The following YAP1 variants were observed in gnomAD, a reference collection of about 807,000 sequenced individuals.
YAP1 encodes the protein transcriptional coactivator YAP1.
YAP1 carries 5 observed loss-of-function variants against 56.9 expected under a neutral mutation model. The ratio of observed to expected loss-of-function variants is 0.09; its 90% CI spans 0.05 to 0.18. The LOEUF (loss-of-function observed/expected upper bound fraction) is 0.18, where lower values mean the gene tolerates loss of function less well. Ranked by LOEUF, YAP1 falls within the 10% of genes least tolerant of loss-of-function variation. The probability of loss-of-function intolerance (pLI) is 1.00; values close to 1 mark genes in which losing one functional copy is unlikely to be tolerated. For synonymous variants in YAP1, 265 were observed against 248.1 expected, an observed-to-expected ratio of 1.07 and a Z score of -0.64; for missense variants, 539 against 651.8, an observed-to-expected ratio of 0.83 and a Z score of 1.88.
intron 4 of YAP1, among the ~76,000 whole-genome samples, chr11:102,195,765 TA>T (rs896652114): frequency 1.5e-4 from 23 of 152,240 alleles, no homozygotes; most frequent in African/African-American, 5.5e-4. Context: ...GTAAATCTGT[TA>T]AACCTCTTTT....
chr11:102,140,352 C>G (rs1018305625), intron 2 of YAP1, among the ~76,000 whole-genome samples: 1 of 152,126 alleles, frequency 6.6e-6, no homozygotes, highest in Admixed American at 6.6e-5. Context: ...GAAATCTACT[C>G]TAAATTGAAA....
chr11:102,209,547 A>C lies in YAP1; in HGVS notation c.1015A>C (p.Asn339His), dbSNP rs183492039. ...AMRNINPSTA[N>H]SPKCQELALR... ...GCGGAATATCAATCCCAGCACAGCA[A>C]ATTCTCCAAAATGTCAGGTAGGCTC... is the stretch of plus-strand genomic sequence containing the variant. The change falls in exon 6 of 9, where the codon AAT becomes CAT. Residue 339 changes from asparagine to histidine, a missense_variant. Physicochemically the swap from Asn to His is moderately conservative, Grantham distance 68. This residue lies in a region of YAP1 where 414 missense variants were observed against 512.4 expected (regional missense o/e 0.81). Coordinates refer to ENST00000282441, the MANE Select transcript of YAP1 (RefSeq NM_001130145.3). 2 of 1,599,820 alleles carry C rather than the reference A, an allele frequency of 1.3e-6. No homozygotes were observed. The highest frequency in any genetic ancestry group is 2.3e-5 in the South Asian group (2 of 88,348).
intron 3 of YAP1, among the ~76,000 whole-genome samples, chr11:102,176,745 CAAAAAAAAAAAAAAAAAAAA>C (rs57082707): frequency 2.2e-5 from 1 of 45,480 alleles, no homozygotes; most frequent in African/African-American, 8.9e-5. Context: ...GACTCCGTCT[CAAAAAAAAAAAAAAAAAAAA>C]AAAAAAAAAA....
chr11:102,130,822 C>G (rs1039750105), intron 2 of YAP1, among the ~76,000 whole-genome samples: 1 of 144,022 alleles, frequency 6.9e-6, no homozygotes, highest in Non-Finnish European at 1.5e-5. Context: ...CAGACTGATA[C>G]AGGTTATGTT....
At chr11:102,212,842 A>G (rs1817769899) in intron 6 of YAP1, among the ~76,000 whole-genome samples, 1 of 152,122 alleles carries the variant, frequency 6.6e-6, no homozygotes, top group Non-Finnish European at 1.5e-5. Context: ...CGTCCTCCCA[A>G]AGTTCTGGGA....
intron 4 of YAP1, among the ~76,000 whole-genome samples, chr11:102,204,858 T>C (rs1453498026): frequency 6.6e-6 from 1 of 152,230 alleles, no homozygotes; most frequent in Non-Finnish European, 1.5e-5. Flanking sequence ...GAAGAGGCTG[T>C]GTAAGACTGG....
chr11:102,195,620 T>C (rs774249753), intron 4 of YAP1, among the ~76,000 whole-genome samples: 9 of 152,194 alleles, frequency 5.9e-5, no homozygotes, highest in East Asian at 1.9e-4. Context: ...CAAGATCTTA[T>C]GGTTTTATAA....
chr11:102,156,698 A>G (rs1267452199), intron 2 of YAP1, among the ~76,000 whole-genome samples: 1 of 152,302 alleles, frequency 6.6e-6, no homozygotes, highest in South Asian at 2.1e-4. Context: ...CTCAGTCACT[A>G]TGGCATTAGG....
At chr11:102,115,030 C>G (rs1444482235) in intron 2 of YAP1, among the ~76,000 whole-genome samples, 1 of 152,174 alleles carries the variant, frequency 6.6e-6, no homozygotes, top group Non-Finnish European at 1.5e-5. Context: ...AGAAACCCTC[C>G]TCTCTGGGAA....
intron 2 of YAP1, among the ~76,000 whole-genome samples, chr11:102,115,776 C>G (rs902251848): frequency 1.3e-5 from 2 of 152,110 alleles, no homozygotes; most frequent in Non-Finnish European, 2.9e-5. Flanking sequence ...ATTGAAAGAG[C>G]TGCTAGCTGT....
chr11:102,162,806 A>G (rs748250717), intron 3 of YAP1, among the ~76,000 whole-genome samples: 21 of 152,120 alleles, frequency 1.4e-4, no homozygotes, highest in Non-Finnish European at 2.4e-4. Flanking sequence ...GTTCTTTAAG[A>G]TTTGGTTCTG....
chr11:102,134,734 G>A (rs1282590448), intron 2 of YAP1, among the ~76,000 whole-genome samples: 3 of 151,850 alleles, frequency 2.0e-5, no homozygotes, highest in Admixed American at 6.6e-5. Context: ...TGAGAGATAG[G>A]GTCTCACTCT....
rs368657519 is a variant in YAP1, at chr11:102,112,802, G to A, written c.322-1342G>A. On this transcript the variant is annotated intron_variant, in intron 1 of 8. Transcript: ENST00000282441. ...GTTTATGGACTCATTGTGGGTAAAT[G>A]TATGTTGGCATGCACCCTACAGACT... 1.4e-3 allele frequency: 1,350 copies of A among 982,758 alleles called. 1 individual carries two copies. Among genetic ancestry groups the A allele is most frequent in the Non-Finnish European group, 1.5e-3 (1,272 of 827,638 alleles). The allele number at this position is 982,758 out of a possible 1,614,324, so 60.9% of individuals were successfully genotyped here.
At chr11:102,221,552 G>A (rs996517954) in intron 6 of YAP1, among the ~76,000 whole-genome samples, 1 of 151,902 alleles carries the variant, frequency 6.6e-6, no homozygotes, top group African/African-American at 2.4e-5. Context: ...GCAAAACCCT[G>A]TCTCTACAAA....
chr11:102,208,327 C>T (rs1591423721), intron 5 of YAP1, among the ~76,000 whole-genome samples: 1 of 152,130 alleles, frequency 6.6e-6, no homozygotes, highest in East Asian at 1.9e-4. Context: ...TAATAATTGT[C>T]TTGCAATTTC....
chr11:102,136,465 T>A lies in YAP1; in HGVS notation c.572+22071T>A, dbSNP rs141483078. On this transcript the variant is annotated intron_variant, in intron 2 of 8. Coordinates refer to ENST00000282441, the MANE Select transcript of YAP1 (RefSeq NM_001130145.3). ...AAGTGATCCTCTCACCTCAGCCTCCTAAGTAGCTGGGACTACAGGTGGGTA... is the reference window on the plus strand; with the variant it reads ...AAGTGATCCTCTCACCTCAGCCTCCAAAGTAGCTGGGACTACAGGTGGGTA... Among the ~76,000 whole-genome samples, 4 of 151,850 alleles carry A rather than the reference T, an allele frequency of 2.6e-5. No individual in the cohort carries two copies. The East Asian group carries it at 7.8e-4, about 30-fold the overall frequency.
At chr11:102,206,469 G>A (rs12807220) in intron 5 of YAP1, among the ~76,000 whole-genome samples, 46,459 of 152,090 alleles carry the variant, frequency 0.31, 7,513 homozygotes, top group East Asian at 0.36. Context: ...CTTACGTGGC[G>A]GGATACACCA....
At chr11:102,213,886 T>G (rs1949538108) in intron 6 of YAP1, among the ~76,000 whole-genome samples, 1 of 152,190 alleles carries the variant, frequency 6.6e-6, no homozygotes, top group African/African-American at 2.4e-5. Context: ...GAGACCTGCC[T>G]GGCCAATATG....
chr11:102,175,381 C>T (rs1947183131), intron 3 of YAP1, among the ~76,000 whole-genome samples: 1 of 152,132 alleles, frequency 6.6e-6, no homozygotes, highest in Non-Finnish European at 1.5e-5. Context: ...GCCTGGGTGA[C>T]AGAGCGAGAC....
Sources: allele counts gnomAD v4.1 joint callset (sites outside exome capture counted in the v4.1 genomes callset), GRCh38; gene constraint gnomAD v4.1.1; regional missense constraint gnomAD v4.1.1; transcripts MANE v1.5; gene names NCBI Gene and HGNC (gene_info 2026-07-23, HGNC 2026-07-21).